NCOA2: variants seen among roughly 807,000 people sequenced by gnomAD.
NCOA2 encodes the protein nuclear receptor coactivator 2.
NCOA2 carries 21 observed loss-of-function variants against 145.1 expected under a neutral mutation model. The ratio of observed to expected loss-of-function variants is 0.14; its 90% CI spans 0.10 to 0.21. NCOA2 has a LOEUF of 0.21. Ranked by LOEUF, NCOA2 falls within the 10% of genes least tolerant of loss-of-function variation. NCOA2 has a pLI of 1.00. For synonymous variants in NCOA2, 619 were observed against 637.5 expected, an observed-to-expected ratio of 0.97 and a Z score of 0.44; for missense variants, 1,472 against 1,837.6, an observed-to-expected ratio of 0.80 and a Z score of 3.64.
Position 70,116,186 on chromosome 8 carries a change from T to TAAAAA in NCOA2, c.4384-2548_4384-2544dup, listed in dbSNP as rs71558579. Reference sequence around the variant, plus strand: ...TGGGCGACAAAGCGAGACTCTGTCTTAAAAAAAAAAAAAAAAAAAAAGGAT... The same window carrying TAAAAA: ...TGGGCGACAAAGCGAGACTCTGTCTTAAAAAAAAAAAAAAAAAAAAAAAAAAGGAT... On this transcript the variant is annotated intron_variant, in intron 22 of 22. Transcript: ENST00000452400. Among the ~76,000 whole-genome samples the TAAAAA allele has an allele frequency of 3.5e-4, 28 of 80,668 alleles. 3 individuals are homozygous for TAAAAA. The highest frequency in any genetic ancestry group is 1.0e-3 in the South Asian group (2 of 1,920). 52.9% of individuals were successfully genotyped at this position (80,668 alleles called of 152,430 possible). A position where few individuals can be genotyped will look rare whatever the true frequency, so the allele number is the denominator to read the frequency against.
At chr8:70,418,826 C>T in the NCOA2 span, among the ~76,000 whole-genome samples, 1 of 152,158 alleles carries the variant, frequency 6.6e-6, no homozygotes, top group Non-Finnish European at 1.5e-5. Flanking sequence ...ATCTAACTCA[C>T]TTTCTTTGGT....
intron 4 of NCOA2, among the ~76,000 whole-genome samples, chr8:70,207,498 A>G (rs2133735364): frequency 6.6e-6 from 1 of 152,374 alleles, no homozygotes; most frequent in South Asian, 2.1e-4. Flanking sequence ...CATATAAGCC[A>G]TTAAGCCACA....
chr8:70,428,893 C>G, the NCOA2 span, among the ~76,000 whole-genome samples: 4 of 151,520 alleles, frequency 2.6e-5, no homozygotes, highest in African/African-American at 9.7e-5. Context: ...AGAACAAAAG[C>G]TATCACTTCA....
chr8:70,172,499 AT>A (rs1265391483), intron 5 of NCOA2, among the ~76,000 whole-genome samples: 1 of 152,242 alleles, frequency 6.6e-6, no homozygotes, highest in Admixed American at 6.5e-5. Context: ...AGGTTCACCC[AT>A]TTGGTTTTTA....
chr8:70,136,788 T>A (rs1438156669), intron 15 of NCOA2, among the ~76,000 whole-genome samples: 1 of 152,254 alleles, frequency 6.6e-6, no homozygotes, highest in Non-Finnish European at 1.5e-5. Flanking sequence ...AAGAGAGACA[T>A]GGTTAGAAAC....
Position 70,109,989 on chromosome 8 carries a change from GTGAT to G in NCOA2, c.*3639_*3642del, listed in dbSNP as rs1223645718. ...ACAAACATCAATGCAGGTGAACAAA[GTGAT>G]GTTCAGAGTCAACTCCATTTTGAAA... On this transcript the variant is annotated 3_prime_UTR_variant, in exon 23 of 23. Coordinates refer to ENST00000452400, the MANE Select transcript of NCOA2 (RefSeq NM_006540.4). 1 of 193,128 alleles carries G rather than the reference GTGAT, an allele frequency of 5.2e-6. No homozygotes were observed. The highest frequency in any genetic ancestry group is 1.1e-5 in the Non-Finnish European group (1 of 92,552). 12.0% of individuals were successfully genotyped at this position (193,128 alleles called of 1,614,324 possible). A position where few individuals can be genotyped will look rare whatever the true frequency, so the allele number is the denominator to read the frequency against.
In NCOA2 at chr8:70,149,373, C is replaced by T. The variant is rs1486135644; in HGVS notation, c.2395-890G>A. ...CCTGAGCCTCCTCAGTAGCTGGGAC[C>T]ACAGGCATGCACCACCACCACCATG... is the stretch of plus-strand genomic sequence containing the variant. On this transcript the variant is annotated intron_variant, in intron 11 of 22. Transcript: ENST00000452400. Among the ~76,000 whole-genome samples the T allele has an allele frequency of 8.0e-5, 12 of 149,598 alleles. No individual in the cohort carries two copies. In the South Asian group the frequency reaches 2.7e-3, roughly 34 times the overall value.
chr8:70,447,745 C>T, the NCOA2 span, among the ~76,000 whole-genome samples: 5,826 of 143,840 alleles, frequency 0.041, 376 homozygotes, highest in African/African-American at 0.14. Flanking sequence ...AGTGCAGTGG[C>T]GCCACCATGG....
chr8:70,355,308 A>G (rs1397905821), intron 1 of NCOA2, among the ~76,000 whole-genome samples: 1 of 152,220 alleles, frequency 6.6e-6, no homozygotes, highest in Non-Finnish European at 1.5e-5. Context: ...CAAAGGAAGC[A>G]CAGTTACGAG....
intron 1 of NCOA2, among the ~76,000 whole-genome samples, chr8:70,340,174 A>G (rs1356971472): frequency 6.6e-6 from 1 of 151,488 alleles, no homozygotes; most frequent in Non-Finnish European, 1.5e-5. Flanking sequence ...TGGGAGAAAC[A>G]TTTGGTAATC....
chr8:70,139,635 G>A (rs927499658), intron 14 of NCOA2, among the ~76,000 whole-genome samples: 45 of 146,656 alleles, frequency 3.1e-4, no homozygotes, highest in African/African-American at 1.1e-3. Flanking sequence ...TCAAAACAAC[G>A]CTGGCCATCT....
At chr8:70,193,724 A>C (rs1301826897) in intron 4 of NCOA2, among the ~76,000 whole-genome samples, 1 of 152,206 alleles carries the variant, frequency 6.6e-6, no homozygotes, top group Non-Finnish European at 1.5e-5. Flanking sequence ...CACCACTTGG[A>C]ATCTTACAGA....
chr8:70,208,948 T>C (rs1198696793), intron 4 of NCOA2, among the ~76,000 whole-genome samples: 1 of 152,226 alleles, frequency 6.6e-6, no homozygotes, highest in African/African-American at 2.4e-5. Flanking sequence ...ACTTAAGAAA[T>C]ACACTTTGTA....
At chr8:70,223,830 T>C (rs1044104074) in intron 2 of NCOA2, among the ~76,000 whole-genome samples, 2 of 152,204 alleles carry the variant, frequency 1.3e-5, no homozygotes, top group African/African-American at 2.4e-5. Context: ...CACTGTAATG[T>C]GGGCATTAAA....
intron 1 of NCOA2, among the ~76,000 whole-genome samples, chr8:70,357,130 A>T (rs1809773257): frequency 6.6e-6 from 1 of 152,174 alleles, no homozygotes; most frequent in Non-Finnish European, 1.5e-5. Flanking sequence ...TATTTTAGCT[A>T]TCAAATTCTA....
chr8:70,426,756 G>T, the NCOA2 span, among the ~76,000 whole-genome samples: 1 of 152,226 alleles, frequency 6.6e-6, no homozygotes, highest in Admixed American at 6.5e-5. Flanking sequence ...GTGAATGAAT[G>T]AATATGGTGG....
At chr8:70,273,849 T>A in intron 2 of NCOA2, 1 of 554,818 alleles carries the variant, frequency 1.8e-6, no homozygotes, top group Non-Finnish European at 3.5e-6. Flanking sequence ...CTGAAGTGAG[T>A]CAACTTCAGT....
At chr8:70,256,514 G>A (rs531639082) in intron 2 of NCOA2, among the ~76,000 whole-genome samples, 3 of 152,174 alleles carry the variant, frequency 2.0e-5, no homozygotes, top group African/African-American at 4.8e-5. Context: ...AAACATGGCC[G>A]ACTTCATTGT....
In NCOA2 at chr8:70,224,173, C is replaced by A. The variant is rs563207979; in HGVS notation, c.-19-7409G>T. ...GAAAAGATGTCATGCTCAGCTCATG[C>A]ACAATTATTCCCCGAAGATAAGCAA... On this transcript the variant is annotated intron_variant, in intron 2 of 22. Coordinates refer to ENST00000452400, the MANE Select transcript of NCOA2 (RefSeq NM_006540.4). Among the ~76,000 whole-genome samples, 26 of 152,286 alleles carry A rather than the reference C, an allele frequency of 1.7e-4. No individual in the cohort carries two copies. The South Asian group carries it at 4.1e-3, about 24-fold the overall frequency.
Sources: allele counts gnomAD v4.1 joint callset (sites outside exome capture counted in the v4.1 genomes callset), GRCh38; gene constraint gnomAD v4.1.1; transcripts MANE v1.5; gene names NCBI Gene and HGNC (gene_info 2026-07-23, HGNC 2026-07-21).